ANKRD12: variants seen among roughly 807,000 people sequenced by gnomAD.
ANKRD12 encodes the protein ankyrin repeat domain 12, also known as ankyrin repeat domain-containing protein 12.
In ANKRD12, 85 loss-of-function variants were observed where a neutral mutation model predicts 183.4. The ratio of observed to expected loss-of-function variants is 0.46; its 90% CI spans 0.39 to 0.56. The LOEUF (loss-of-function observed/expected upper bound fraction) is 0.56, where lower values mean the gene tolerates loss of function less well. ANKRD12 is among the 20% of genes least tolerant of loss of function. The probability of loss-of-function intolerance (pLI) is 0.00; values close to 1 mark genes in which losing one functional copy is unlikely to be tolerated. For missense variants in ANKRD12, 2,405 were observed against 2,357.1 expected (o/e 1.02, Z -0.42); for synonymous variants, 914 against 800.2 (o/e 1.14, Z -2.40).
At chr18:9,183,355 A>G (rs2033835048) in intron 2 of ANKRD12, among the ~76,000 whole-genome samples, 4 of 152,172 alleles carry the variant, frequency 2.6e-5, no homozygotes. Context: ...TGCCATCTTA[A>G]TATTGTCTTC....
At chr18:9,246,046 C>T (rs1026566963) in intron 8 of ANKRD12, among the ~76,000 whole-genome samples, 22 of 152,298 alleles carry the variant, frequency 1.4e-4, no homozygotes, top group African/African-American at 5.3e-4. Flanking sequence ...GTATTCTAGA[C>T]ATGTAAGATG....
Position 9,281,281 on chromosome 18 carries a change from A to C in ANKRD12, c.*155A>C, listed in dbSNP as rs2040097041. 8 of 551,616 alleles carry C rather than the reference A, an allele frequency of 1.5e-5. No homozygotes were observed. Among genetic ancestry groups the C allele is most frequent in the Non-Finnish European group, 2.1e-5 (7 of 326,378 alleles). The allele number at this position is 551,616 out of a possible 1,614,324, so 34.2% of individuals were successfully genotyped here. ...GTAGTAAACACTGTCATTTTATAAAAAATGAGAATTATTTTGGATCTTAGA... is the reference window on the plus strand; with the variant it reads ...GTAGTAAACACTGTCATTTTATAAACAATGAGAATTATTTTGGATCTTAGA... On this transcript the variant is annotated 3_prime_UTR_variant, in exon 13 of 13. Transcript: ENST00000262126.
chr18:9,186,494 T>TA (rs1437989002), intron 2 of ANKRD12, among the ~76,000 whole-genome samples: 1 of 152,190 alleles, frequency 6.6e-6, no homozygotes, highest in Non-Finnish European at 1.5e-5. Context: ...GCGCTGTACT[T>TA]AAATTGCCAT....
intron 1 of ANKRD12, among the ~76,000 whole-genome samples, chr18:9,155,240 C>A (rs1041003940): frequency 2.6e-5 from 4 of 152,002 alleles, no homozygotes; most frequent in Admixed American, 6.6e-5. Context: ...TGACTATAGT[C>A]AAAAATAATT....
chr18:9,267,615 G>C lies in ANKRD12; in HGVS notation c.5763+3727G>C, dbSNP rs371679079. 6.7e-5 allele frequency among the ~76,000 whole-genome samples: 10 copies of C among 150,312 alleles called. No individual in the cohort carries two copies. The East Asian group carries it at 7.8e-4, about 12-fold the overall frequency. On this transcript the variant is annotated intron_variant, in intron 10 of 12. Transcript: ENST00000262126. Reference sequence around the variant, plus strand: ...CATACCAGAATCTCTGGGACACATTGAAAGCAGTGTGTAGAGGGAAATTTA... The same window carrying C: ...CATACCAGAATCTCTGGGACACATTCAAAGCAGTGTGTAGAGGGAAATTTA...
Position 9,256,534 on chromosome 18 carries a change from A to C in ANKRD12, c.3267A>C (p.Leu1089=), listed in dbSNP as rs761812806. 7 of 1,605,210 alleles carry C rather than the reference A, an allele frequency of 4.4e-6. No individual in the cohort carries two copies. Among genetic ancestry groups the C allele is most frequent in the Non-Finnish European group, 5.1e-6 (6 of 1,177,926 alleles). The change falls in exon 9 of 13, where the codon CTA becomes CTC. Residue 1089 remains leucine (L), a synonymous_variant. Coordinates refer to ENST00000262126, the MANE Select transcript of ANKRD12 (RefSeq NM_015208.5). ...AACGAATGCTAAGCCTTAAAGACCT[A>C]GAAATAGAACAGTGGCACAAAAAAC... The part of the protein sequence containing the change: ...SFERMLSLKD[L]EIEQWHKKHK...
intron 8 of ANKRD12, among the ~76,000 whole-genome samples, chr18:9,225,501 T>C (rs572747530): frequency 6.6e-6 from 1 of 151,526 alleles, no homozygotes; most frequent in Non-Finnish European, 1.5e-5. Flanking sequence ...TATTCAAATA[T>C]ATACATTTGA....
At chr18:9,251,170 G>T (rs965625293) in intron 8 of ANKRD12, among the ~76,000 whole-genome samples, 1 of 152,152 alleles carries the variant, frequency 6.6e-6, no homozygotes, top group African/African-American at 2.4e-5. Flanking sequence ...GAGAATAGAT[G>T]TCATGTGTCA....
chr18:9,170,876 G>A (rs2032642973), intron 1 of ANKRD12, among the ~76,000 whole-genome samples: 1 of 152,082 alleles, frequency 6.6e-6, no homozygotes, highest in Admixed American at 6.5e-5. Flanking sequence ...CGTACAGATG[G>A]GTTTTTGGTG....
intron 4 of ANKRD12, among the ~76,000 whole-genome samples, chr18:9,207,955 A>T (rs2035579312): frequency 6.6e-6 from 1 of 152,186 alleles, no homozygotes; most frequent in African/African-American, 2.4e-5. Flanking sequence ...CTGCGTTGCT[A>T]ATGGGTTTCC....
rs921898093 is a variant in ANKRD12, at chr18:9,148,674, C to T, written c.-52+11709C>T. Among the ~76,000 whole-genome samples, 11 of 152,232 alleles carry T rather than the reference C, an allele frequency of 7.2e-5. No individual in the cohort carries two copies. In the East Asian group the frequency reaches 2.1e-3, roughly 29 times the overall value. ...CTTCTTGTTCTTGTTTACTCTTCCA[C>T]CCCTGTCCCCTGTGATCCTCCCCCC... On this transcript the variant is annotated intron_variant, in intron 1 of 12. Coordinates refer to ENST00000262126, the MANE Select transcript of ANKRD12 (RefSeq NM_015208.5).
chr18:9,217,354 G>A (rs892679221), intron 7 of ANKRD12, among the ~76,000 whole-genome samples: 1 of 152,096 alleles, frequency 6.6e-6, no homozygotes, highest in Non-Finnish European at 1.5e-5. Flanking sequence ...TCCCTCCTCG[G>A]AACCTCCGTT....
intron 1 of ANKRD12, among the ~76,000 whole-genome samples, chr18:9,162,563 C>T (rs2031567617): frequency 6.6e-6 from 1 of 152,114 alleles, no homozygotes; most frequent in Non-Finnish European, 1.5e-5. Context: ...TGGGTATATA[C>T]CTAGTAATGA....
rs1337737344 is a variant in ANKRD12 at position 9,282,650 on chromosome 18, T to C, written c.*1524T>C. On this transcript the variant is annotated 3_prime_UTR_variant, in exon 13 of 13. Transcript: ENST00000262126. ...CTTTCCACAGTACTTTCTTGAATTA[T>C]AATACTGAATGTTTTCTGTTCCGAT... is the stretch of plus-strand genomic sequence containing the variant. 2.0e-5 allele frequency: 3 copies of C among 152,592 alleles called. No individual in the cohort carries two copies. The highest frequency in any genetic ancestry group is 1.3e-4 in the Admixed American group (2 of 15,282). 9.5% of individuals were successfully genotyped at this position (152,592 alleles called of 1,614,324 possible).
At chr18:9,167,754 G>A in intron 1 of ANKRD12, among the ~76,000 whole-genome samples, 1 of 152,176 alleles carries the variant, frequency 6.6e-6, no homozygotes, top group Admixed American at 6.5e-5. Context: ...CCAACACTGT[G>A]TTGAATAGGA....
chr18:9,271,000 A>G (rs866285500), intron 10 of ANKRD12, among the ~76,000 whole-genome samples: 1 of 152,200 alleles, frequency 6.6e-6, no homozygotes, highest in South Asian at 2.1e-4. Flanking sequence ...ATCTCCGGCC[A>G]GCTGTGTCAT....
chr18:9,230,919 C>T (rs907711255), intron 8 of ANKRD12, among the ~76,000 whole-genome samples: 13 of 152,142 alleles, frequency 8.5e-5, no homozygotes, highest in Admixed American at 3.9e-4. Context: ...CTGCCCGCTT[C>T]GGCCTCCCAA....
intron 1 of ANKRD12, among the ~76,000 whole-genome samples, chr18:9,145,828 A>G (rs1434277241): frequency 6.6e-6 from 1 of 152,226 alleles, no homozygotes; most frequent in Admixed American, 6.5e-5. Flanking sequence ...GGAGGTAACT[A>G]TTTAGAAAGG....
chr18:9,247,169 T>C (rs1277996507), intron 8 of ANKRD12, among the ~76,000 whole-genome samples: 1 of 150,882 alleles, frequency 6.6e-6, no homozygotes, highest in Non-Finnish European at 1.5e-5. Context: ...TGTTTGTTTG[T>C]TTTGCCATAG....
Sources: allele counts gnomAD v4.1 joint callset (sites outside exome capture counted in the v4.1 genomes callset), GRCh38; gene constraint gnomAD v4.1.1; transcripts MANE v1.5; gene names NCBI Gene and HGNC (gene_info 2026-07-23, HGNC 2026-07-21).